ISM2: variants seen among roughly 807,000 people sequenced by gnomAD.
The protein encoded by ISM2 is isthmin 2, also known as isthmin-2.
A neutral mutation model predicts 58.0 loss-of-function variants in ISM2; 50 were observed. The ratio of observed to expected loss-of-function variants is 0.86; its 90% CI spans 0.69 to 1.09. The LOEUF is 1.09. Ranked by LOEUF, ISM2 falls within the 50% of genes least tolerant of loss-of-function variation. The pLI, the probability that ISM2 is intolerant of heterozygous loss-of-function variation, is 0.00. For synonymous variants in ISM2, 303 were observed against 312.4 expected, an observed-to-expected ratio of 0.97 and a Z score of 0.32; for missense variants, 723 against 745.0, an observed-to-expected ratio of 0.97 and a Z score of 0.34.
chr14:77,497,902 G>T (rs2079257806), intron 1 of ISM2, among the ~76,000 whole-genome samples: 1 of 151,994 alleles, frequency 6.6e-6, no homozygotes. Flanking sequence ...CAGGACCCAA[G>T]ACCTAAGACC....
chr14:77,477,344 G>C (rs533710841), intron 6 of ISM2, among the ~76,000 whole-genome samples: 2 of 152,248 alleles, frequency 1.3e-5, no homozygotes, highest in East Asian at 3.9e-4. Flanking sequence ...CCGGACACTG[G>C]GGGACTGACT....
At chr14:77,476,495 TAAG>T (rs1044055554) in intron 6 of ISM2, among the ~76,000 whole-genome samples, 1 of 152,104 alleles carries the variant, frequency 6.6e-6, no homozygotes, top group Non-Finnish European at 1.5e-5. Flanking sequence ...CACCAACTGG[TAAG>T]AAGGTTTCAT....
In ISM2 at chr14:77,498,696, C is replaced by T; in HGVS notation, c.98G>A (p.Arg33Gln). Residue 33 changes from arginine to glutamine, a missense_variant, in exon 1 of 7, where the codon CGG (arginine) becomes CAG (glutamine). Coordinates refer to ENST00000342219, the MANE Select transcript of ISM2 (RefSeq NM_199296.3). The part of the protein sequence containing the change: ...AALGLPVKKP[R>Q]LRGPRPGSLT... The stretch of plus-strand genomic sequence containing the variant: ...GCTCCCAGGCCGTGGTCCGCGGAGC[C>T]GCGGCTTCTTCACGGGGAGCCCTAG... 2 of 1,483,386 alleles carry T rather than the reference C, an allele frequency of 1.3e-6. No homozygotes were observed. The highest frequency in any genetic ancestry group is 1.8e-6 in the Non-Finnish European group (2 of 1,124,966). The allele number at this position is 1,483,386 out of a possible 1,614,324, so 91.9% of individuals were successfully genotyped here.
intron 3 of ISM2, 153 bp from the exon 4 acceptor site, chr14:77,482,820 C>A: frequency 1.8e-6 from 1 of 564,252 alleles, no homozygotes. Flanking sequence ...GGCTAACCTT[C>A]CTGGCCTCTT....
chr14:77,476,707 A>G (rs945052263), intron 6 of ISM2, among the ~76,000 whole-genome samples: 1 of 152,070 alleles, frequency 6.6e-6, no homozygotes, highest in African/African-American at 2.4e-5. Flanking sequence ...ATATCCCTCA[A>G]AACAAAAACC....
At chr14:77,487,947 G>A (rs1318340559) in intron 1 of ISM2, among the ~76,000 whole-genome samples, 2 of 152,172 alleles carry the variant, frequency 1.3e-5, no homozygotes, top group Non-Finnish European at 2.9e-5. Context: ...GGCTAGAAGG[G>A]AGGATTTGCT....
chr14:77,484,111 A>C, intron 3 of ISM2: 1 of 574,022 alleles, frequency 1.7e-6, no homozygotes, highest in Non-Finnish European at 3.0e-6. Context: ...TCAAAGAGTC[A>C]AAAGACTTGC....
intron 4 of ISM2, 93 bp downstream of exon 4, chr14:77,482,229 T>G: frequency 4.4e-6 from 4 of 905,672 alleles, no homozygotes; most frequent in Non-Finnish European, 6.8e-6. Context: ...CTCAATGGTC[T>G]TGCCTGGGAA....
intron 1 of ISM2, among the ~76,000 whole-genome samples, chr14:77,490,892 G>A (rs1410918268): frequency 1.3e-5 from 2 of 152,190 alleles, no homozygotes; most frequent in Non-Finnish European, 2.9e-5. Flanking sequence ...GGATAAGGAA[G>A]GCCATAGCTG....
Position 77,475,560 on chromosome 14 carries a change from C to A in ISM2, c.*35G>T. ...CCGTGCAACAGCAGCAGCCGCCTGC[C>A]CTCTCCCTGCAGTGTCTGTTCAGCA... On this transcript the variant is annotated 3_prime_UTR_variant, in exon 7 of 7. Coordinates refer to ENST00000342219, the MANE Select transcript of ISM2 (RefSeq NM_199296.3). The surrounding 1 kb of genome is among the most constrained non-coding windows in gnomAD (Gnocchi z 4.1). 1 of 1,515,418 alleles carries A rather than the reference C, an allele frequency of 6.6e-7. No individual in the cohort carries two copies. The highest frequency in any genetic ancestry group is 1.3e-5 in the South Asian group (1 of 75,348). The allele number at this position is 1,515,418 out of a possible 1,614,324, so 93.9% of individuals were successfully genotyped here. A position where few individuals can be genotyped will look rare whatever the true frequency, so the allele number is the denominator to read the frequency against.
chr14:77,477,887 C>T (rs1029543851), intron 6 of ISM2, among the ~76,000 whole-genome samples: 2 of 152,160 alleles, frequency 1.3e-5, no homozygotes, highest in Non-Finnish European at 2.9e-5. Context: ...TGCACTGCAT[C>T]CCCCTCTCCA....
chr14:77,475,777 G>T lies in ISM2; in HGVS notation c.1534C>A (p.Leu512Ile), dbSNP rs202088855. Residue 512 changes from leucine (L) to isoleucine (I), a missense_variant, in exon 7 of 7, where the codon CTC becomes ATC. By Grantham distance (5) the Leu-to-Ile change is conservative. Coordinates refer to ENST00000342219, the MANE Select transcript of ISM2 (RefSeq NM_199296.3). This position sits in a 1 kb window ranked among gnomAD's most constrained non-coding sequence, Gnocchi z 4.1. The part of the protein sequence containing the change: ...TRGKGAGMPN[L>I]ISTDFSPKLH... ...TTAGGTGAGAAGTCGGTGCTGATGA[G>T]GTTGGGCATGCCGGCGCCCTTGCCA... The T allele has an allele frequency of 6.2e-7, 1 of 1,613,858 alleles. No homozygotes were observed. Among genetic ancestry groups the T allele is most frequent in the Admixed American group, 1.7e-5 (1 of 60,018 alleles).
At chr14:77,495,091 T>C (rs1308980577) in intron 1 of ISM2, among the ~76,000 whole-genome samples, 1 of 151,738 alleles carries the variant, frequency 6.6e-6, no homozygotes, top group African/African-American at 2.4e-5. Flanking sequence ...GTTTTCGCCA[T>C]GTTGCTCAGG....
chr14:77,481,289 G>A (rs1010163405), intron 4 of ISM2, among the ~76,000 whole-genome samples: 1 of 151,636 alleles, frequency 6.6e-6, no homozygotes, highest in African/African-American at 2.4e-5. Context: ...GCAGTGAGCC[G>A]AGATTGTGCC....
At chr14:77,493,612 C>A (rs1261705599) in intron 1 of ISM2, among the ~76,000 whole-genome samples, 1 of 151,946 alleles carries the variant, frequency 6.6e-6, no homozygotes, top group Non-Finnish European at 1.5e-5. Flanking sequence ...TAGGCGCCCA[C>A]CACCACGCCT....
At chr14:77,480,695 C>CTATA (rs1555370656) in intron 4 of ISM2, among the ~76,000 whole-genome samples, 1 of 151,158 alleles carries the variant, frequency 6.6e-6, no homozygotes, top group Non-Finnish European at 1.5e-5. Context: ...GTAGCTGGGA[C>CTATA]TACAGGCAGG....
chr14:77,482,611 A>G lies in ISM2; in HGVS notation c.684T>C (p.Ala228=), dbSNP rs1422695558. The G allele has an allele frequency of 3.1e-6, 5 of 1,605,634 alleles. No individual in the cohort carries two copies. In the African/African-American group the frequency reaches 4.0e-5, roughly 13 times the overall value. The part of the protein sequence containing the change: ...PQAEVSIDLL[A]EPSNPPPQDT... Reference sequence around the variant, plus strand: ...CCTGGGGCGGGGGATTGCTGGGCTCAGCCAACAGGTCTATCGACACCTCGG... The same window carrying G: ...CCTGGGGCGGGGGATTGCTGGGCTCGGCCAACAGGTCTATCGACACCTCGG... Residue 228 remains alanine, a synonymous_variant, in exon 4 of 7, where the codon GCT becomes GCC. Transcript: ENST00000342219.
intron 6 of ISM2, among the ~76,000 whole-genome samples, chr14:77,477,254 C>T (rs1244016980): frequency 2.0e-5 from 3 of 152,180 alleles, no homozygotes; most frequent in Admixed American, 6.5e-5. Flanking sequence ...CAGAATCTGC[C>T]TGAGTGGATG....
intron 1 of ISM2, among the ~76,000 whole-genome samples, chr14:77,494,585 T>G (rs1359975109): frequency 3.3e-5 from 5 of 151,838 alleles, no homozygotes; most frequent in Non-Finnish European, 1.5e-5. Flanking sequence ...TTAGTAGAGA[T>G]GGGGTTTCAC....
Sources: gnomAD v4.1 joint callset for allele counts (sites outside exome capture counted in the v4.1 genomes callset) on GRCh38, gnomAD v4.1.1 for gene constraint, Gnocchi (gnomAD v3.1) non-coding constraint, MANE v1.5 for transcripts, NCBI Gene and HGNC (gene_info 2026-07-23, HGNC 2026-07-21) for gene names.